BAHD1: variants seen among roughly 807,000 people sequenced by gnomAD.
BAHD1 encodes bromo adjacent homology domain-containing 1 protein.
A neutral mutation model predicts 63.1 loss-of-function variants in BAHD1; 20 were observed. The observed-to-expected ratio is 0.32, with a 90% CI of 0.22 to 0.46. BAHD1 has a LOEUF of 0.46. Ranked by LOEUF, BAHD1 falls within the 20% of genes least tolerant of loss-of-function variation. The probability of loss-of-function intolerance (pLI) is 1.00; values close to 1 mark genes in which losing one functional copy is unlikely to be tolerated. For synonymous variants in BAHD1, 408 were observed against 426.8 expected (o/e 0.96, Z 0.54); for missense variants, 939 against 1,071.8 (o/e 0.88, Z 1.73).
intron 1 of BAHD1, among the ~76,000 whole-genome samples, chr15:40,446,903 C>G (rs1429782029): frequency 6.6e-6 from 1 of 152,144 alleles, no homozygotes; most frequent in Non-Finnish European, 1.5e-5. Flanking sequence ...TTTGGGGACT[C>G]CTAGCCTCCA....
upstream of BAHD1, among the ~76,000 whole-genome samples, chr15:40,438,888 C>T (rs1173061042): frequency 1.3e-5 from 2 of 152,226 alleles, no homozygotes; most frequent in African/African-American, 2.4e-5. Context: ...GACAGGAGCC[C>T]GGCCTCTCTT....
upstream of BAHD1, among the ~76,000 whole-genome samples, chr15:40,439,058 C>T (rs1893333581): frequency 6.6e-6 from 1 of 152,102 alleles, no homozygotes. Flanking sequence ...GTAGGGCTGG[C>T]CTGGTGTGTG....
chr15:40,448,553 A>G (rs1893611233), intron 1 of BAHD1, among the ~76,000 whole-genome samples: 1 of 151,904 alleles, frequency 6.6e-6, no homozygotes, highest in Admixed American at 6.6e-5. Context: ...GCAACTTTTT[A>G]TTTTTTAAGA....
upstream of BAHD1, among the ~76,000 whole-genome samples, chr15:40,440,538 G>A (rs566302704): frequency 2.6e-5 from 4 of 151,078 alleles, no homozygotes; most frequent in South Asian, 8.4e-4. Context: ...GGATGCGGAG[G>A]GGTGATGGCC....
In BAHD1 at chr15:40,458,762, C is replaced by T. The variant is rs778734004; in HGVS notation, c.298C>T (p.Pro100Ser). The T allele has an allele frequency of 1.2e-6, 2 of 1,613,186 alleles. No individual in the cohort carries two copies. Among genetic ancestry groups the T allele is most frequent in the African/African-American group, 2.7e-5 (2 of 74,938 alleles). ...GCTACCGCCTGACCTGCCCAAGCCCCCCAGCCCGGCCCCATCCAGTGAAGA... is the reference window on the plus strand; with the variant it reads ...GCTACCGCCTGACCTGCCCAAGCCCTCCAGCCCGGCCCCATCCAGTGAAGA... Reference protein sequence around the residue: ...DELPPDLPKPPSPAPSSEDPG... With the variant: ...DELPPDLPKPSSPAPSSEDPG... Residue 100 changes from proline to serine, a missense_variant, in exon 2 of 7, where the codon CCC becomes TCC. This residue lies in a region of BAHD1 where 797 missense variants were observed against 813.3 expected (regional missense o/e 0.98). Transcript: ENST00000416165. This position sits in a 1 kb window ranked among gnomAD's most constrained non-coding sequence, Gnocchi z 4.7.
In BAHD1 at chr15:40,459,200, A is replaced by G. The variant is rs200915093; in HGVS notation, c.736A>G (p.Arg246Gly). 21 of 1,611,888 alleles carry G rather than the reference A, an allele frequency of 1.3e-5. No individual in the cohort carries two copies. Among genetic ancestry groups the G allele is most frequent in the African/African-American group, 2.7e-5 (2 of 74,922 alleles). The change falls in exon 2 of 7, where the codon AGG (arginine) becomes GGG (glycine). Residue 246 changes from arginine (R) to glycine (G), a missense_variant. Arg to Gly is a moderately radical substitution (Grantham distance 125). Transcript: ENST00000416165. ...STEPPAPKAP[R>G]PKWPKVNGKN... ...TGAGCCCCCAGCACCCAAGGCCCCG[A>G]GGCCAAAGTGGCCCAAGGTCAATGG...
At chr15:40,446,186 A>G (rs1161875868) in intron 1 of BAHD1, among the ~76,000 whole-genome samples, 1 of 152,186 alleles carries the variant, frequency 6.6e-6, no homozygotes, top group Non-Finnish European at 1.5e-5. Flanking sequence ...CAGCTCCTTT[A>G]TGTTCCCCTG....
Position 40,441,252 on chromosome 15 carries a change from C to G in BAHD1, c.-31C>G, listed in dbSNP as rs1183245130. ...CTGCGGGCGCCCAGAGCCGCGCCGT[C>G]CGCGCCGCCCGTTCTGGTGAGTCAG... On this transcript the variant is annotated 5_prime_UTR_variant, in exon 1 of 7. Coordinates refer to ENST00000416165, the MANE Select transcript of BAHD1 (RefSeq NM_014952.5). 6.6e-6 allele frequency: 1 copy of G among 151,576 alleles called. No individual in the cohort carries two copies. Among genetic ancestry groups the G allele is most frequent in the Non-Finnish European group, 1.5e-5 (1 of 68,048 alleles). 9.4% of individuals were successfully genotyped at this position (151,576 alleles called of 1,614,324 possible). A position where few individuals can be genotyped will look rare whatever the true frequency, so the allele number is the denominator to read the frequency against.
At chr15:40,444,397 TAC>T (rs1893479887) in intron 1 of BAHD1, among the ~76,000 whole-genome samples, 1 of 152,200 alleles carries the variant, frequency 6.6e-6, no homozygotes, top group Non-Finnish European at 1.5e-5. Context: ...GCTTATGTGA[TAC>T]CATATAGACA....
At chr15:40,443,231 G>C in intron 1 of BAHD1, 7 of 984,196 alleles carry the variant, frequency 7.1e-6, no homozygotes, top group Non-Finnish European at 8.4e-6. Context: ...TCAGAGGGTA[G>C]CATGGGCATG....
In BAHD1 at chr15:40,462,311, A is replaced by G. The variant is rs781025305; in HGVS notation, c.1815+17A>G. 1.9e-6 allele frequency: 3 copies of G among 1,580,220 alleles called. No individual in the cohort carries two copies. The highest frequency in any genetic ancestry group is 1.7e-6 in the Non-Finnish European group (2 of 1,158,250). ...TATGTCTTGGTAAGTGCTAGCTCTT[A>G]GCTGATGACGAGAGGGAGGGAGGCA... On this transcript the variant is annotated intron_variant, in intron 3 of 6. Transcript: ENST00000416165.
chr15:40,463,181 T>C (rs559835158), intron 3 of BAHD1, among the ~76,000 whole-genome samples: 1 of 152,274 alleles, frequency 6.6e-6, no homozygotes, highest in South Asian at 2.1e-4. Flanking sequence ...AGCATGCATC[T>C]GTAGTCCCAG....
At position 40,459,218 on chromosome 15, in the gene BAHD1, G is replaced by A. The variant is rs1049844259; in HGVS notation, c.754G>A (p.Val252Ile). ...PKAPRPKWPKVNGKNYPKAWQ... is the reference protein window; with the variant it reads ...PKAPRPKWPKINGKNYPKAWQ... Reference sequence around the variant, plus strand: ...GGCCCCGAGGCCAAAGTGGCCCAAGGTCAATGGCAAGAACTATCCCAAGGC... The same window carrying A: ...GGCCCCGAGGCCAAAGTGGCCCAAGATCAATGGCAAGAACTATCCCAAGGC... Residue 252 changes from valine (V) to isoleucine (I), a missense_variant, in exon 2 of 7, where the codon GTC (valine) becomes ATC (isoleucine). By Grantham distance (29) the Val-to-Ile change is conservative (BLOSUM62 3). This residue lies in a region of BAHD1 where 797 missense variants were observed against 813.3 expected (regional missense o/e 0.98). Transcript: ENST00000416165. The A allele has an allele frequency of 6.2e-7, 1 of 1,611,814 alleles. No individual in the cohort carries two copies. Among genetic ancestry groups the A allele is most frequent in the Non-Finnish European group, 8.5e-7 (1 of 1,179,188 alleles).
chr15:40,437,694 G>A (rs1278378532), upstream of BAHD1, among the ~76,000 whole-genome samples: 1 of 152,242 alleles, frequency 6.6e-6, no homozygotes, highest in Non-Finnish European at 1.5e-5. Context: ...GGAGGAGAAA[G>A]TGGTCACTGC....
Position 40,458,316 on chromosome 15 carries a change from A to C in BAHD1, c.-14-135A>C. On this transcript the variant is annotated intron_variant, in intron 1 of 6. Coordinates refer to ENST00000416165, the MANE Select transcript of BAHD1 (RefSeq NM_014952.5). This position sits in a 1 kb window ranked among gnomAD's most constrained non-coding sequence, Gnocchi z 4.7. Reference sequence around the variant, plus strand: ...CACACTCTGGAAAGGGAGTCCCAGGAAAATCCATACTGGAGACAGGGTAGT... The same window carrying C: ...CACACTCTGGAAAGGGAGTCCCAGGCAAATCCATACTGGAGACAGGGTAGT... 8.2e-7 allele frequency: 1 copy of C among 1,217,410 alleles called. No homozygotes were observed. The highest frequency in any genetic ancestry group is 1.1e-6 in the Non-Finnish European group (1 of 899,214). 75.4% of individuals were successfully genotyped at this position (1,217,410 alleles called of 1,614,324 possible).
chr15:40,453,670 C>T (rs1160359648), intron 1 of BAHD1: 3 of 152,228 alleles, frequency 2.0e-5, no homozygotes, highest in East Asian at 1.9e-4. Context: ...ATAAACCGGG[C>T]TAGGTATGGT....
intron 2 of BAHD1, among the ~76,000 whole-genome samples, chr15:40,461,599 C>T (rs1026527652): frequency 1.3e-5 from 2 of 151,790 alleles, no homozygotes; most frequent in East Asian, 1.9e-4. Context: ...AAGATAGCAC[C>T]ACTGCACTCT....
At chr15:40,463,776 C>A in intron 3 of BAHD1, 85 bp from the exon 4 acceptor site, 5 of 1,461,450 alleles carry the variant, frequency 3.4e-6, no homozygotes, top group South Asian at 1.3e-5. Flanking sequence ...TTGAGGAAAT[C>A]GTGGAAAGGA....
In BAHD1 at chr15:40,463,892, A is replaced by T; in HGVS notation, c.1847A>T (p.Tyr616Phe). The change falls in exon 4 of 7, where the codon TAC becomes TTC. Residue 616 changes from tyrosine (Y) to phenylalanine (F), a missense_variant. By Grantham distance (22) the Tyr-to-Phe change is conservative. This residue lies in a region of BAHD1 where 35 missense variants were observed against 56.5 expected (regional missense o/e 0.62). Coordinates refer to ENST00000416165, the MANE Select transcript of BAHD1 (RefSeq NM_014952.5). ...DEPEPAIRKS[Y>F]QAVERHGETI... ...CCGGAGCCAGCCATCCGAAAGAGCT[A>T]CCAGGCGGTAGAGCGGCATGGGGAG... The T allele has an allele frequency of 6.2e-7, 1 of 1,614,234 alleles. No individual in the cohort carries two copies.
Sources: gnomAD v4.1 joint callset for allele counts (sites outside exome capture counted in the v4.1 genomes callset) on GRCh38, gnomAD v4.1.1 for gene constraint, gnomAD v4.1.1 regional missense constraint, Gnocchi (gnomAD v3.1) non-coding constraint, MANE v1.5 for transcripts, NCBI Gene and HGNC (gene_info 2026-07-23, HGNC 2026-07-21) for gene names.